The following BCAS3 variants were observed in gnomAD, a reference collection of about 807,000 sequenced individuals.
BCAS3 encodes BCAS4/BCAS3 fusion.
A neutral mutation model predicts 116.1 loss-of-function variants in BCAS3; 53 were observed. The observed-to-expected ratio is 0.46, with a 90% CI of 0.37 to 0.57. The LOEUF is 0.57. BCAS3 is among the 20% of genes least tolerant of loss of function. The pLI is 0.00. For synonymous variants in BCAS3, 391 were observed against 408.2 expected, an observed-to-expected ratio of 0.96 and a Z score of 0.51; for missense variants, 917 against 1,165.4, an observed-to-expected ratio of 0.79 and a Z score of 3.10.
At chr17:61,116,761 G>A (rs530597757) in intron 22 of BCAS3, among the ~76,000 whole-genome samples, 111 of 152,236 alleles carry the variant, frequency 7.3e-4, no homozygotes, top group Admixed American at 7.2e-3. Flanking sequence ...CTGGGTATAG[G>A]ATTCAAGGTT....
Position 61,355,351 on chromosome 17 carries a change from A to G in BCAS3, c.2426-12976A>G, listed in dbSNP as rs1240230076. ...CGTGTTTGACTTATTTGTGGAGCACAGAAATCACAGGATTTAGCTGGGTTG... is the reference window on the plus strand; with the variant it reads ...CGTGTTTGACTTATTTGTGGAGCACGGAAATCACAGGATTTAGCTGGGTTG... On this transcript the variant is annotated intron_variant, in intron 22 of 23. Transcript: ENST00000407086. The surrounding 1 kb of genome is among the most constrained non-coding windows in gnomAD (Gnocchi z 4.2). Among the ~76,000 whole-genome samples the G allele has an allele frequency of 6.6e-6, 1 of 152,184 alleles. No individual in the cohort carries two copies. The highest frequency in any genetic ancestry group is 1.5e-5 in the Non-Finnish European group (1 of 68,050).
intron 6 of BCAS3, among the ~76,000 whole-genome samples, chr17:60,747,807 GGCTTTTAA>G (rs1433502585): frequency 2.0e-5 from 3 of 151,778 alleles, no homozygotes; most frequent in Non-Finnish European, 2.9e-5. Context: ...TGGAGTTTTG[GGCTTTTAA>G]GCTTGCAATT....
At position 60,828,633 on chromosome 17, in the gene BCAS3, G is replaced by C. The variant is rs186859804; in HGVS notation, c.476+20557G>C. Among the ~76,000 whole-genome samples, 3 of 152,206 alleles carry C rather than the reference G, an allele frequency of 2.0e-5. No homozygotes were observed. In the East Asian group the frequency reaches 5.8e-4, roughly 29 times the overall value. On this transcript the variant is annotated intron_variant, in intron 7 of 23. Coordinates refer to ENST00000407086, the MANE Select transcript of BCAS3 (RefSeq NM_017679.5). ...ATGTAAGGAATCCTTGTCTGCTACTGGGCTAATCATACATTGTGTATATGA... is the reference window on the plus strand; with the variant it reads ...ATGTAAGGAATCCTTGTCTGCTACTCGGCTAATCATACATTGTGTATATGA...
At chr17:60,838,461 A>G (rs1391373436) in intron 7 of BCAS3, among the ~76,000 whole-genome samples, 2 of 151,890 alleles carry the variant, frequency 1.3e-5, no homozygotes, top group African/African-American at 4.8e-5. Context: ...CTGATCTCAT[A>G]TTTCCCCACA....
intron 14 of BCAS3, chr17:60,986,971 G>C (rs996143782): frequency 6.6e-6 from 1 of 152,088 alleles, no homozygotes; most frequent in African/African-American, 2.4e-5. Flanking sequence ...GGAGATCTTA[G>C]ATTTAAGTTT....
Position 61,038,028 on chromosome 17 carries a change from G to A in BCAS3, c.1902G>A (p.Ser634=), listed in dbSNP as rs761776662. 1.9e-5 allele frequency: 31 copies of A among 1,613,844 alleles called. No homozygotes were observed. The highest frequency in any genetic ancestry group is 3.3e-4 in the Middle Eastern group (2 of 6,082). Residue 634 remains serine, a synonymous_variant, in exon 18 of 24, where the codon TCG becomes TCA. Coordinates refer to ENST00000407086, the MANE Select transcript of BCAS3 (RefSeq NM_017679.5). The stretch of plus-strand genomic sequence containing the variant: ...ACACACCACTGGAAATGATGACATC[G>A]CCTCGAGCCAGCTGGACTCTGGTTA... ...SDDTPLEMMT[S]PRASWTLVRT...
intron 6 of BCAS3, among the ~76,000 whole-genome samples, chr17:60,787,930 T>TA (rs1249284897): frequency 1.3e-5 from 2 of 151,446 alleles, no homozygotes; most frequent in Non-Finnish European, 2.9e-5. Flanking sequence ...TTTTTTTTTT[T>TA]AACTAGAAAA....
intron 6 of BCAS3, among the ~76,000 whole-genome samples, chr17:60,799,826 G>C (rs188514625): frequency 1.4e-5 from 2 of 147,380 alleles, no homozygotes; most frequent in Non-Finnish European, 3.0e-5. Flanking sequence ...AAAGTGCTGG[G>C]ATTATAGGCA....
At chr17:61,232,729 T>C (rs975532921) in intron 22 of BCAS3, among the ~76,000 whole-genome samples, 9 of 152,244 alleles carry the variant, frequency 5.9e-5, no homozygotes, top group African/African-American at 2.2e-4. Context: ...TGATCTCTCT[T>C]CTCATTGCTC....
intron 5 of BCAS3, chr17:60,720,351 G>GTC (rs2039101952): frequency 6.6e-6 from 1 of 152,190 alleles, no homozygotes; most frequent in Admixed American, 6.5e-5. Flanking sequence ...TGCCCAGTCT[G>GTC]ATCTTGAACT....
In BCAS3 at chr17:60,840,974, G is replaced by T. The variant is rs111551201; in HGVS notation, c.477-27602G>T. Reference sequence around the variant, plus strand: ...GTTAGAATTCCAGAAATGTTAGTGTGTTACAGAACTTGAACAATGGAGGCT... The same window carrying T: ...GTTAGAATTCCAGAAATGTTAGTGTTTTACAGAACTTGAACAATGGAGGCT... On this transcript the variant is annotated intron_variant, in intron 7 of 23. Transcript: ENST00000407086. 4.1e-3 allele frequency among the ~76,000 whole-genome samples: 621 copies of T among 152,210 alleles called. 4 individuals are homozygous for T. The highest frequency in any genetic ancestry group is 0.014 in the African/African-American group (592 of 41,540).
At chr17:60,797,657 A>G (rs2047334830) in intron 6 of BCAS3, among the ~76,000 whole-genome samples, 1 of 151,950 alleles carries the variant, frequency 6.6e-6, no homozygotes, top group Non-Finnish European at 1.5e-5. Context: ...TACATTAGGT[A>G]TTTCTCCTAA....
Position 61,337,705 on chromosome 17 carries a change from A to C in BCAS3, c.2426-30622A>C, listed in dbSNP as rs916958845. The stretch of plus-strand genomic sequence containing the variant: ...CTTTTTCTTTTTGCGCTCACCCCTT[A>C]AAGGTCGTTTCTGATCTACTCCCTC... On this transcript the variant is annotated intron_variant, in intron 22 of 23. Transcript: ENST00000407086. The surrounding 1 kb of genome is among the most constrained non-coding windows in gnomAD (Gnocchi z 4.8). 6.6e-6 allele frequency among the ~76,000 whole-genome samples: 1 copy of C among 151,858 alleles called. No homozygotes were observed. Among genetic ancestry groups the C allele is most frequent in the Non-Finnish European group, 1.5e-5 (1 of 67,992 alleles).
chr17:61,053,592 T>A (rs1266833293), intron 19 of BCAS3, among the ~76,000 whole-genome samples: 1 of 152,214 alleles, frequency 6.6e-6, no homozygotes, highest in Non-Finnish European at 1.5e-5. Flanking sequence ...TAACCTAACA[T>A]CCTGGATTGC....
chr17:61,010,171 C>T (rs115559244), intron 15 of BCAS3, among the ~76,000 whole-genome samples: 3,611 of 150,724 alleles, frequency 0.024, 168 homozygotes, highest in African/African-American at 0.084. Flanking sequence ...ATTCCTCCAG[C>T]GTGGCAACAA....
intron 7 of BCAS3, among the ~76,000 whole-genome samples, chr17:60,826,117 C>G (rs897460292): frequency 6.6e-6 from 1 of 151,996 alleles, no homozygotes; most frequent in African/African-American, 2.4e-5. Flanking sequence ...TCCTTGGCCT[C>G]CCAAAATGTT....
In BCAS3 at chr17:60,910,611, A is replaced by G; in HGVS notation, c.902A>G (p.Asp301Gly). 1 of 1,613,664 alleles carries G rather than the reference A, an allele frequency of 6.2e-7. No homozygotes were observed. The highest frequency in any genetic ancestry group is 8.5e-7 in the Non-Finnish European group (1 of 1,179,808). Residue 301 changes from aspartate to glycine, a missense_variant, in exon 12 of 24, where the codon GAT (aspartate) becomes GGT (glycine). This residue lies in a region of BCAS3 where 807 missense variants were observed against 1,026.0 expected (regional missense o/e 0.79). Transcript: ENST00000407086. ...ACACTGCCTTCAGGTGTGACAGAAG[A>G]TGATGTTGCCATCCACAGTAATTCA... ...TGTLPSGVTE[D>G]DVAIHSNSRR...
At chr17:60,741,842 TTACTC>T (rs1391102809) in intron 5 of BCAS3, among the ~76,000 whole-genome samples, 1 of 152,208 alleles carries the variant, frequency 6.6e-6, no homozygotes, top group African/African-American at 2.4e-5. Flanking sequence ...ACAGAAGTAG[TTACTC>T]TACTAGATAT....
At chr17:61,371,322 TGTAACA>T (rs146290653) in intron 23 of BCAS3, among the ~76,000 whole-genome samples, 2,896 of 152,280 alleles carry the variant, frequency 0.019, 85 homozygotes, top group African/African-American at 0.066. Flanking sequence ...GTTCTGGAGA[TGTAACA>T]GTCTGTGCAC....
Sources: allele counts gnomAD v4.1 joint callset (sites outside exome capture counted in the v4.1 genomes callset), GRCh38; gene constraint gnomAD v4.1.1; regional missense constraint gnomAD v4.1.1; non-coding constraint Gnocchi (gnomAD v3.1); transcripts MANE v1.5; gene names NCBI Gene and HGNC (gene_info 2026-07-23, HGNC 2026-07-21).